TMPRSS7: variants seen among roughly 807,000 people sequenced by gnomAD.
TMPRSS7 encodes the protein transmembrane protease serine 7.
A neutral mutation model predicts 95.6 loss-of-function variants in TMPRSS7; 81 were observed. The ratio of observed to expected loss-of-function variants is 0.85; its 90% confidence interval spans 0.71 to 1.02. TMPRSS7 has a LOEUF of 1.02. Ranked by LOEUF, TMPRSS7 falls within the 50% of genes least tolerant of loss-of-function variation. The pLI is 0.00. For missense variants in TMPRSS7, 945 were observed against 955.2 expected, an observed-to-expected ratio of 0.99 and a Z score of 0.14; for synonymous variants, 364 against 337.8, an observed-to-expected ratio of 1.08 and a Z score of -0.85.
intron 4 of TMPRSS7, among the ~76,000 whole-genome samples, 153 bp from the exon 5 acceptor site, chr3:112,045,597 A>G (rs1302623130): frequency 6.6e-6 from 1 of 152,220 alleles, no homozygotes; most frequent in Non-Finnish European, 1.5e-5. Flanking sequence ...TCCTTTGCCA[A>G]TCTTCATAAC....
At chr3:112,050,198 A>G (rs1188461023) in intron 8 of TMPRSS7, among the ~76,000 whole-genome samples, 2 of 152,360 alleles carry the variant, frequency 1.3e-5, no homozygotes, top group Non-Finnish European at 2.9e-5. Flanking sequence ...CTCAAAAGGC[A>G]AAAAGGACAA....
rs190038024 is a variant in TMPRSS7, at chr3:112,070,276, G to A, written c.1666+3774G>A. The stretch of plus-strand genomic sequence containing the variant: ...TATGTGGTCAATTTTAGATAAGTGT[G>A]ATGTGGTGCTGATAAGAATGTATAT... On this transcript the variant is annotated intron_variant, in intron 13 of 17. Coordinates refer to ENST00000452346, the Ensembl canonical transcript of TMPRSS7. 4.2e-3 allele frequency among the ~76,000 whole-genome samples: 639 copies of A among 152,278 alleles called. 7 individuals carry two copies. The highest frequency in any genetic ancestry group is 0.015 in the African/African-American group (606 of 41,554).
chr3:112,064,301 C>T (rs138451937), intron 12 of TMPRSS7, among the ~76,000 whole-genome samples: 3 of 152,186 alleles, frequency 2.0e-5, no homozygotes, highest in African/African-American at 4.8e-5. Context: ...AAGCCCAGAT[C>T]CCATATGTTG....
At chr3:112,059,352 C>G (rs1188969167) in intron 10 of TMPRSS7, among the ~76,000 whole-genome samples, 1 of 152,154 alleles carries the variant, frequency 6.6e-6, no homozygotes. Flanking sequence ...CTCTTGCTGG[C>G]TTTCTCGTGT....
intron 9 of TMPRSS7, among the ~76,000 whole-genome samples, chr3:112,055,192 C>T (rs189211371): frequency 7.2e-5 from 11 of 152,168 alleles, no homozygotes; most frequent in Non-Finnish European, 1.3e-4. Context: ...CCTGATACAC[C>T]GGGAAAAGGG....
At chr3:112,051,653 T>TCTCTATC (rs2073357133) in intron 9 of TMPRSS7, among the ~76,000 whole-genome samples, 1 of 90,764 alleles carries the variant, frequency 1.1e-5, no homozygotes, top group South Asian at 3.9e-4. Flanking sequence ...TCTATCTATC[T>TCTCTATC]ATCTATCTAT....
intron 9 of TMPRSS7, among the ~76,000 whole-genome samples, chr3:112,051,675 CTATCT>C (rs1559955968): frequency 1.4e-5 from 2 of 145,426 alleles, no homozygotes; most frequent in Non-Finnish European, 3.0e-5. Context: ...TATCATCTAT[CTATCT>C]ATCTATCTAT....
chr3:112,078,863 G>A (rs765529317), exon 17 of TMPRSS7: 6 of 1,613,902 alleles, frequency 3.7e-6, no homozygotes, highest in Non-Finnish European at 4.2e-6. Flanking sequence ...TGTCAGGCAA[G>A]AGAGATGCCT....
chr3:112,049,176 C>T (rs528845111), intron 7 of TMPRSS7, among the ~76,000 whole-genome samples: 60 of 152,252 alleles, frequency 3.9e-4, no homozygotes, highest in African/African-American at 1.3e-3. Context: ...TAGCCATGGG[C>T]CAAACCCTTC....
intron 9 of TMPRSS7, among the ~76,000 whole-genome samples, chr3:112,054,728 G>GTTTT (rs1357112428): frequency 3.5e-4 from 13 of 37,600 alleles, no homozygotes; most frequent in East Asian, 2.2e-3. Flanking sequence ...CTCTCAGTTT[G>GTTTT]CTTTTTTTTT....
chr3:112,038,050 A>G (rs1160198628), intron 1 of TMPRSS7, 22 bp from the exon 2 acceptor site: 9 of 701,086 alleles, frequency 1.3e-5, no homozygotes, highest in Non-Finnish European at 2.3e-5. Flanking sequence ...TTGGTAACAT[A>G]TCTTATTTCT....
intron 12 of TMPRSS7, among the ~76,000 whole-genome samples, chr3:112,063,840 A>G (rs2073543141): frequency 6.6e-6 from 1 of 152,230 alleles, no homozygotes; most frequent in African/African-American, 2.4e-5. Context: ...GGCTGGGCTC[A>G]TATGGGTGGC....
At chr3:112,055,488 C>A (rs1049549205) in intron 9 of TMPRSS7, among the ~76,000 whole-genome samples, 1 of 148,128 alleles carries the variant, frequency 6.8e-6, no homozygotes, top group Non-Finnish European at 1.5e-5. Flanking sequence ...CACAGCATAA[C>A]ATATAATACG....
At position 112,074,491 on chromosome 3, in the gene TMPRSS7, G is replaced by A; in HGVS notation, c.1783+79G>A. ...TTTGTTATATTTTCATTCCCTTCTT[G>A]GTGTATTTCCCTTGATCGAGGTTGC... is the stretch of plus-strand genomic sequence containing the variant. On this transcript the variant is annotated intron_variant, in intron 14 of 17. Transcript: ENST00000452346. 3.7e-6 allele frequency: 4 copies of A among 1,095,408 alleles called. No individual in the cohort carries two copies. In the South Asian group the frequency reaches 4.8e-5, roughly 13 times the overall value. 67.9% of individuals were successfully genotyped at this position (1,095,408 alleles called of 1,614,324 possible).
At chr3:112,069,443 T>G (rs139005499) in intron 13 of TMPRSS7, among the ~76,000 whole-genome samples, 9,171 of 152,282 alleles carry the variant, frequency 0.06, 508 homozygotes, top group East Asian at 0.25. Context: ...TGGCTGTGAA[T>G]CTGTCTGGTC....
At chr3:112,063,704 A>C in intron 12 of TMPRSS7, 72 bp downstream of exon 12, 1 of 1,242,172 alleles carries the variant, frequency 8.1e-7, no homozygotes, top group Non-Finnish European at 1.2e-6. Context: ...TGCTGCTGAT[A>C]TATATCCTTA....
intron 10 of TMPRSS7, among the ~76,000 whole-genome samples, chr3:112,058,057 C>T (rs2073453363): frequency 6.6e-6 from 1 of 152,198 alleles, no homozygotes; most frequent in South Asian, 2.1e-4. Context: ...ACAGGATGCC[C>T]TGTCTTGACC....
intron 7 of TMPRSS7, 96 bp downstream of exon 7, chr3:112,048,063 G>A: frequency 1.7e-6 from 2 of 1,166,874 alleles, no homozygotes; most frequent in South Asian, 1.5e-5. Flanking sequence ...TTTAAAAACA[G>A]TTTTTGTGTG....
In TMPRSS7 at chr3:112,063,002, T is replaced by C. The variant is rs1460191517; in HGVS notation, c.1448-523T>C. Among the ~76,000 whole-genome samples, 3 of 152,148 alleles carry C rather than the reference T, an allele frequency of 2.0e-5. No homozygotes were observed. In the South Asian group the frequency reaches 6.2e-4, roughly 32 times the overall value. ...GTCTGGGTTCGAGGCCAGTAAGTAA[T>C]CTCTCTAGGTCCAACGTGATAAGAG... On this transcript the variant is annotated intron_variant, in intron 11 of 17. Coordinates refer to ENST00000452346, the Ensembl canonical transcript of TMPRSS7.
Sources: allele counts gnomAD v4.1 joint callset (sites outside exome capture counted in the v4.1 genomes callset), GRCh38; gene constraint gnomAD v4.1.1; transcripts MANE v1.5; gene names NCBI Gene and HGNC (gene_info 2026-07-23, HGNC 2026-07-21).